The following NRG1 variants were observed in gnomAD, a reference collection of about 807,000 sequenced individuals.
The protein encoded by NRG1 is pro-neuregulin-1, membrane-bound isoform.
In NRG1, 18 loss-of-function variants were observed where a neutral mutation model predicts 63.8. That is an observed-to-expected ratio of 0.28 (90% CI 0.19 to 0.42). The LOEUF (loss-of-function observed/expected upper bound fraction) is 0.42. Ranked by LOEUF, NRG1 falls within the 10% of genes least tolerant of loss-of-function variation. The probability of loss-of-function intolerance (pLI) is 1.00; values close to 1 mark genes in which losing one functional copy is unlikely to be tolerated. For synonymous variants in NRG1, 302 were observed against 301.3 expected (o/e 1.00, Z -0.02); for missense variants, 762 against 814.7 (o/e 0.94, Z 0.79).
intron 1 of NRG1, among the ~76,000 whole-genome samples, chr8:31,709,364 A>T (rs1811508698): frequency 6.6e-6 from 1 of 152,122 alleles, no homozygotes; most frequent in African/African-American, 2.4e-5. Context: ...TATTTGTTCA[A>T]GTGCTTCTGG....
At chr8:32,224,630 G>C (rs1237295219) in intron 1 of NRG1, among the ~76,000 whole-genome samples, 1 of 152,174 alleles carries the variant, frequency 6.6e-6, no homozygotes, top group African/African-American at 2.4e-5. Flanking sequence ...AATTAAACCA[G>C]TGATGGTGCA....
intron 1 of NRG1, among the ~76,000 whole-genome samples, chr8:32,041,996 A>G (rs891421805): frequency 6.6e-6 from 1 of 152,202 alleles, no homozygotes; most frequent in Non-Finnish European, 1.5e-5. Context: ...GACACAACAT[A>G]CAGGATATAT....
At chr8:32,631,168 T>A (rs985963549) in intron 5 of NRG1, among the ~76,000 whole-genome samples, 5 of 152,228 alleles carry the variant, frequency 3.3e-5, no homozygotes, top group East Asian at 1.9e-4. Flanking sequence ...TAACTTTTTT[T>A]AAAAAAAAGA....
At chr8:31,853,395 T>C (rs1418630881) in intron 1 of NRG1, among the ~76,000 whole-genome samples, 10 of 150,758 alleles carry the variant, frequency 6.6e-5, no homozygotes, top group Non-Finnish European at 1.0e-4. Context: ...AGTTCACTCA[T>C]GATTTGGCTC....
At chr8:32,704,279 C>A (rs1815753445) in intron 5 of NRG1, among the ~76,000 whole-genome samples, 2 of 152,098 alleles carry the variant, frequency 1.3e-5, no homozygotes, top group African/African-American at 4.8e-5. Context: ...ATTTGTTGAG[C>A]TGGATTAAGT....
chr8:32,267,183 G>C (rs1036903386), intron 1 of NRG1, among the ~76,000 whole-genome samples: 19 of 143,400 alleles, frequency 1.3e-4, no homozygotes, highest in Non-Finnish European at 9.0e-5. Context: ...GAAGGAAGGA[G>C]AAAGAAGGAA....
chr8:32,064,892 A>T (rs1237234997), intron 1 of NRG1, among the ~76,000 whole-genome samples: 6 of 152,196 alleles, frequency 3.9e-5, no homozygotes, highest in Admixed American at 2.0e-4. Context: ...TGAAATAGCA[A>T]AATAATTTAT....
At chr8:31,962,380 A>G (rs572551023) in intron 1 of NRG1, among the ~76,000 whole-genome samples, 2 of 152,286 alleles carry the variant, frequency 1.3e-5, no homozygotes, top group African/African-American at 4.8e-5. Flanking sequence ...TTAAACTTCT[A>G]TTTAATAACA....
chr8:32,017,079 G>A (rs1815657063), intron 1 of NRG1, among the ~76,000 whole-genome samples: 1 of 152,168 alleles, frequency 6.6e-6, no homozygotes, highest in Non-Finnish European at 1.5e-5. Flanking sequence ...TGTTGGAATG[G>A]TTACTATTTA....
At chr8:32,493,319 C>T (rs971922622) in intron 1 of NRG1, among the ~76,000 whole-genome samples, 7 of 152,122 alleles carry the variant, frequency 4.6e-5, no homozygotes, top group African/African-American at 1.7e-4. Context: ...ATTAGAGCTG[C>T]TTAACAGACC....
intron 1 of NRG1, among the ~76,000 whole-genome samples, chr8:32,572,157 A>C (rs1170545384): frequency 6.6e-6 from 1 of 152,168 alleles, no homozygotes; most frequent in Non-Finnish European, 1.5e-5. Context: ...CAATTGCAAC[A>C]CATTTTAGAA....
intron 1 of NRG1, among the ~76,000 whole-genome samples, chr8:31,868,790 C>A (rs767393591): frequency 6.6e-6 from 1 of 152,128 alleles, no homozygotes; most frequent in Admixed American, 6.6e-5. Context: ...ATAAGGGATC[C>A]AAGGTTCAGA....
At chr8:31,718,739 A>G (rs762739339) in intron 1 of NRG1, among the ~76,000 whole-genome samples, 4 of 152,218 alleles carry the variant, frequency 2.6e-5, no homozygotes, top group Non-Finnish European at 4.4e-5. Context: ...ATTCGAAATC[A>G]AGAAAAAGAG....
At chr8:32,115,854 G>A (rs1490997778) in intron 1 of NRG1, among the ~76,000 whole-genome samples, 1 of 152,074 alleles carries the variant, frequency 6.6e-6, no homozygotes, top group Non-Finnish European at 1.5e-5. Context: ...ACAAAATAGT[G>A]TGGCTGCCAA....
intron 1 of NRG1, among the ~76,000 whole-genome samples, chr8:32,279,805 C>T (rs530105256): frequency 6.6e-6 from 1 of 152,176 alleles, no homozygotes; most frequent in Non-Finnish European, 1.5e-5. Context: ...CCATTACCTG[C>T]GTCTGTTAGG....
chr8:31,694,339 GCCCTTCT>G (rs1370962241), intron 1 of NRG1, among the ~76,000 whole-genome samples: 5 of 152,292 alleles, frequency 3.3e-5, no homozygotes, highest in African/African-American at 1.2e-4. Context: ...TTTGATCTCA[GCCCTTCT>G]CTGTGTCTAG....
chr8:32,119,704 A>G (rs1283280684), intron 1 of NRG1, among the ~76,000 whole-genome samples: 1 of 152,040 alleles, frequency 6.6e-6, no homozygotes, highest in Non-Finnish European at 1.5e-5. Flanking sequence ...TGAATTGGAA[A>G]TGACACCCAG....
chr8:31,754,391 C>T (rs1816766065), intron 1 of NRG1, among the ~76,000 whole-genome samples: 1 of 152,002 alleles, frequency 6.6e-6, no homozygotes, highest in Non-Finnish European at 1.5e-5. Context: ...GATGCTTCGC[C>T]CCTCTCTCTC....
chr8:31,944,843 T>C (rs1306477485), intron 1 of NRG1, among the ~76,000 whole-genome samples: 12 of 152,204 alleles, frequency 7.9e-5, no homozygotes, highest in East Asian at 3.9e-4. Context: ...GGGAACCAGC[T>C]GTATGTAGTG....
Sources: allele counts gnomAD v4.1 joint callset (sites outside exome capture counted in the v4.1 genomes callset), GRCh38; gene constraint gnomAD v4.1.1; transcripts MANE v1.5; gene names NCBI Gene and HGNC (gene_info 2026-07-23, HGNC 2026-07-21).